CDH22: variants seen among roughly 807,000 people sequenced by gnomAD.
CDH22 encodes the protein cadherin 22, also known as cadherin-22.
Under a neutral mutation model 58.4 loss-of-function variants are expected in CDH22, and 30 were observed. That is an observed-to-expected ratio of 0.51 (90% CI 0.38 to 0.70). The LOEUF is 0.70. Among genes scored for constraint, CDH22 ranks in the 30% least tolerant of loss-of-function variants. The probability of loss-of-function intolerance (pLI) is 0.00; values close to 1 mark genes in which losing one functional copy is unlikely to be tolerated. For synonymous variants in CDH22, 513 were observed against 558.2 expected (o/e 0.92, Z 1.14); for missense variants, 1,014 against 1,233.9 (o/e 0.82, Z 2.67).
At position 46,227,562 on chromosome 20, in the gene CDH22, G is replaced by C. The variant is rs973029080; in HGVS notation, c.616C>G (p.Leu206Val). Residue 206 changes from leucine to valine, a missense_variant, in exon 4 of 12, where the codon CTG (leucine) becomes GTG (valine). Physicochemically the swap from Leu to Val is conservative, Grantham distance 32. Transcript: ENST00000537909. Reference protein sequence around the residue: ...DDPTYGSSARLVYSVLDGEHH... With the variant: ...DDPTYGSSARVVYSVLDGEHH... Reference sequence around the variant, plus strand: ...TCGCCGTCCAGCACGCTGTACACCAGCCGAGCGCTGCTGCCGTACGTGGGG... The same window carrying C: ...TCGCCGTCCAGCACGCTGTACACCACCCGAGCGCTGCTGCCGTACGTGGGG... 1.2e-6 allele frequency: 2 copies of C among 1,604,646 alleles called. No homozygotes were observed. Among genetic ancestry groups the C allele is most frequent in the African/African-American group, 2.7e-5 (2 of 74,638 alleles).
chr20:46,232,443 C>A (rs1201927300), intron 3 of CDH22, among the ~76,000 whole-genome samples: 1 of 152,032 alleles, frequency 6.6e-6, no homozygotes, highest in African/African-American at 2.4e-5. Context: ...GTGGGAGACC[C>A]CTTAATGAGA....
intron 2 of CDH22, among the ~76,000 whole-genome samples, chr20:46,243,124 G>T (rs1326240367): frequency 6.6e-6 from 1 of 152,154 alleles, no homozygotes; most frequent in African/African-American, 2.4e-5. Context: ...GTTCCTTTCA[G>T]GCTGGGGTGC....
chr20:46,184,771 G>A (rs932904115), intron 10 of CDH22, among the ~76,000 whole-genome samples: 2 of 152,052 alleles, frequency 1.3e-5, no homozygotes, highest in Admixed American at 6.5e-5. Flanking sequence ...CTAGCCACCC[G>A]AGGCAGTAGG....
At chr20:46,271,725 C>G (rs2086490383) in intron 1 of CDH22, among the ~76,000 whole-genome samples, 1 of 152,186 alleles carries the variant, frequency 6.6e-6, no homozygotes, top group Non-Finnish European at 1.5e-5. Flanking sequence ...TCCCTACTAC[C>G]TCTCTAATAA....
intron 10 of CDH22, among the ~76,000 whole-genome samples, chr20:46,184,031 C>A (rs1432666183): frequency 6.6e-6 from 1 of 152,108 alleles, no homozygotes; most frequent in African/African-American, 2.4e-5. Context: ...ACTATGGATA[C>A]CCTTGGAGAG....
At chr20:46,214,538 C>T (rs1022665509) in intron 5 of CDH22, among the ~76,000 whole-genome samples, 1 of 152,176 alleles carries the variant, frequency 6.6e-6, no homozygotes, top group Admixed American at 6.5e-5. Context: ...CCCTACAAAA[C>T]ACTGCCTGGC....
intron 8 of CDH22, among the ~76,000 whole-genome samples, chr20:46,197,719 C>T (rs537947763): frequency 1.3e-5 from 2 of 152,188 alleles, no homozygotes; most frequent in Non-Finnish European, 2.9e-5. Flanking sequence ...CCCTTTCATG[C>T]GGTAGAGGAG....
At chr20:46,299,941 T>C (rs1399256591) in intron 1 of CDH22, among the ~76,000 whole-genome samples, 1 of 152,050 alleles carries the variant, frequency 6.6e-6, no homozygotes, top group African/African-American at 2.4e-5. Flanking sequence ...CATTCTGACC[T>C]CCCAGCCCCC....
chr20:46,235,658 G>T (rs1416965270), intron 3 of CDH22, among the ~76,000 whole-genome samples: 1 of 152,150 alleles, frequency 6.6e-6, no homozygotes, highest in African/African-American at 2.4e-5. Flanking sequence ...CATCGTCCTT[G>T]TCTCCTCTGC....
intron 4 of CDH22, 99 bp from the exon 5 acceptor site, chr20:46,217,092 G>T: frequency 8.2e-7 from 1 of 1,226,594 alleles, no homozygotes; most frequent in Non-Finnish European, 1.1e-6. Flanking sequence ...TGACTCCTGG[G>T]AAAATTAAGC....
At chr20:46,217,826 AACAC>A (rs966137102) in intron 4 of CDH22, among the ~76,000 whole-genome samples, 7 of 151,910 alleles carry the variant, frequency 4.6e-5, no homozygotes, top group African/African-American at 1.7e-4. Flanking sequence ...CTCCCACACA[AACAC>A]ACACAGACAC....
intron 1 of CDH22, among the ~76,000 whole-genome samples, chr20:46,277,357 C>T (rs1055488588): frequency 8.5e-5 from 13 of 152,108 alleles, no homozygotes; most frequent in African/African-American, 1.7e-4. Context: ...GTTGGGAGGG[C>T]GCTGTCACAG....
At chr20:46,215,089 G>A (rs2086074478) in intron 5 of CDH22, among the ~76,000 whole-genome samples, 1 of 152,186 alleles carries the variant, frequency 6.6e-6, no homozygotes, top group African/African-American at 2.4e-5. Flanking sequence ...GTTTCCTCAT[G>A]GGGGAAAACA....
At chr20:46,223,709 CT>C (rs1568664200) in intron 4 of CDH22, among the ~76,000 whole-genome samples, 3 of 39,694 alleles carry the variant, frequency 7.6e-5, no homozygotes, top group African/African-American at 2.7e-4. Flanking sequence ...TTCTTTCTTT[CT>C]TTCTTTTTCT....
rs1311724202 is a variant in CDH22 at position 46,243,562 on chromosome 20, C to G, written c.256-2305G>C. On this transcript the variant is annotated intron_variant, in intron 2 of 11. Transcript: ENST00000537909. ...AAAACCTCATAACTCAGTTTAATGCCCCCAATAAAATTATTTCAGGACATC... is the reference window on the plus strand; with the variant it reads ...AAAACCTCATAACTCAGTTTAATGCGCCCAATAAAATTATTTCAGGACATC... Among the ~76,000 whole-genome samples the G allele has an allele frequency of 2.0e-5, 3 of 152,128 alleles. No homozygotes were observed. The East Asian group carries it at 5.8e-4, about 29-fold the overall frequency.
chr20:46,291,411 C>T (rs1177989127), intron 1 of CDH22, among the ~76,000 whole-genome samples: 3 of 152,236 alleles, frequency 2.0e-5, no homozygotes, highest in Non-Finnish European at 4.4e-5. Context: ...CTCCATTGAG[C>T]CTGTGTGATG....
At chr20:46,204,416 AAAG>A (rs2085984567) in intron 7 of CDH22, among the ~76,000 whole-genome samples, 1 of 148,198 alleles carries the variant, frequency 6.7e-6, no homozygotes, top group African/African-American at 2.5e-5. Flanking sequence ...AAAAAAAAAA[AAAG>A]AGAGAGAGAC....
chr20:46,215,924 G>A (rs1260933981), intron 5 of CDH22, among the ~76,000 whole-genome samples: 2 of 152,226 alleles, frequency 1.3e-5, no homozygotes, highest in African/African-American at 4.8e-5. Flanking sequence ...CTGGCACCGG[G>A]AAGCCGGTTG....
At chr20:46,213,278 G>A (rs2086058268) in intron 5 of CDH22, 90 bp from the exon 6 acceptor site, 17 of 886,396 alleles carry the variant, frequency 1.9e-5, no homozygotes, top group Non-Finnish European at 2.9e-5. Flanking sequence ...GGGCCCAGGT[G>A]AGCCTCTATG....
Sources: gnomAD v4.1 joint callset for allele counts (sites outside exome capture counted in the v4.1 genomes callset) on GRCh38, gnomAD v4.1.1 for gene constraint, MANE v1.5 for transcripts, NCBI Gene and HGNC (gene_info 2026-07-23, HGNC 2026-07-21) for gene names.